Variants in SEC14L5 observed in about 807,000 individuals in gnomAD.
SEC14L5 encodes the protein SEC14-like protein 5.
A neutral mutation model predicts 84.6 loss-of-function variants in SEC14L5; 96 were observed. That is an observed-to-expected ratio of 1.13 (90% confidence interval 0.96 to 1.34). SEC14L5 has a LOEUF of 1.34. SEC14L5 is among the 40% of genes most tolerant of loss of function. SEC14L5 has a pLI of 0.00. For synonymous variants in SEC14L5, 546 were observed against 383.4 expected (o/e 1.42, Z -4.95); for missense variants, 1,224 against 942.5 (o/e 1.30, Z -3.91).
Position 4,966,356 on chromosome 16 carries a change from A to G in SEC14L5, c.63+6970A>G, listed in dbSNP as rs567132421. On this transcript the variant is annotated intron_variant, in intron 2 of 15. Transcript: ENST00000251170. Reference sequence around the variant, plus strand: ...TGGCATGGTCTCGGCTCACTGCAACATTCACCTCCCGGGTTCAAGTGATTC... The same window carrying G: ...TGGCATGGTCTCGGCTCACTGCAACGTTCACCTCCCGGGTTCAAGTGATTC... Among the ~76,000 whole-genome samples the G allele has an allele frequency of 4.3e-5, 6 of 140,156 alleles. 1 individual carries two copies. Among genetic ancestry groups the G allele is most frequent in the African/African-American group, 1.6e-4 (6 of 36,816 alleles). The allele number at this position is 140,156 out of a possible 152,430, so 91.9% of individuals were successfully genotyped here.
chr16:4,992,168 G>A (rs866817448), intron 6 of SEC14L5, 138 bp downstream of exon 6: 9 of 542,514 alleles, frequency 1.7e-5, no homozygotes, highest in South Asian at 5.2e-5. Context: ...GAACGACACC[G>A]CCTCCTGCCT....
intron 2 of SEC14L5, among the ~76,000 whole-genome samples, chr16:4,963,984 G>A (rs1178016480): frequency 6.6e-6 from 1 of 152,232 alleles, no homozygotes; most frequent in Non-Finnish European, 1.5e-5. Flanking sequence ...ACTGCGCTCA[G>A]CCTTCCTTTC....
In SEC14L5 at chr16:5,014,852, T is replaced by G. The variant is rs1955853436; in HGVS notation, c.1980-7T>G. On this transcript the variant is annotated splice_polypyrimidine_tract_variant and splice_region_variant and intron_variant, in intron 15 of 15. Transcript: ENST00000251170. The stretch of plus-strand genomic sequence containing the variant: ...AGGGTAACGTGTGCCACGCCCTTCC[T>G]CCCCAGGGGCTCCATGTCCAGCCTG... The G allele has an allele frequency of 6.2e-7, 1 of 1,611,874 alleles. No homozygotes were observed.
At chr16:4,971,091 CAAA>C (rs34842525) in intron 2 of SEC14L5, among the ~76,000 whole-genome samples, 10 of 73,902 alleles carry the variant, frequency 1.4e-4, no homozygotes, top group African/African-American at 1.0e-4. Context: ...GTGACAGAGC[CAAA>C]AAAAAAAAAA....
At position 5,008,411 on chromosome 16, in the gene SEC14L5, C is replaced by T; in HGVS notation, c.1573-10C>T. The T allele has an allele frequency of 1.9e-6, 3 of 1,602,582 alleles. No individual in the cohort carries two copies. Among genetic ancestry groups the T allele is most frequent in the Non-Finnish European group, 1.7e-6 (2 of 1,172,386 alleles). ...GCCGTGACTCTCAGACCTCGCCTGT[C>T]TCCACACAGGTGGCCGTGGAGATCC... On this transcript the variant is annotated splice_polypyrimidine_tract_variant and intron_variant, in intron 13 of 15. Transcript: ENST00000251170.
chr16:5,006,008 A>G lies in SEC14L5; in HGVS notation c.1397A>G (p.Asp466Gly), dbSNP rs759985748. ...CCCGGAGGCCTTGTGGACTATCTGGATAGAGAAGTGATCCCTGACTTCCTT... is the reference window on the plus strand; with the variant it reads ...CCCGGAGGCCTTGTGGACTATCTGGGTAGAGAAGTGATCCCTGACTTCCTT... ...QGPGGLVDYL[D>G]REVIPDFLGG... The change falls in exon 12 of 16, where the codon GAT (aspartate) becomes GGT (glycine). Residue 466 changes from aspartate to glycine, a missense_variant. Physicochemically the swap from Asp to Gly is moderately conservative, Grantham distance 94. Transcript: ENST00000251170. 5.0e-5 allele frequency: 81 copies of G among 1,613,686 alleles called. No individual in the cohort carries two copies. Among genetic ancestry groups the G allele is most frequent in the Non-Finnish European group, 6.6e-5 (78 of 1,179,816 alleles).
intron 2 of SEC14L5, among the ~76,000 whole-genome samples, chr16:4,986,968 G>A (rs1307827696): frequency 6.6e-6 from 1 of 152,100 alleles, no homozygotes; most frequent in Non-Finnish European, 1.5e-5. Flanking sequence ...AAATGTTCAT[G>A]TCATCTGCAA....
At chr16:4,960,042 C>G (rs1955101075) in intron 2 of SEC14L5, among the ~76,000 whole-genome samples, 1 of 152,178 alleles carries the variant, frequency 6.6e-6, no homozygotes, top group African/African-American at 2.4e-5. Context: ...TTGTGATGTA[C>G]TCTGTGTTGT....
intron 4 of SEC14L5, 150 bp downstream of exon 4, chr16:4,988,430 G>A (rs572001186): frequency 2.1e-6 from 2 of 973,686 alleles, no homozygotes; most frequent in Admixed American, 2.8e-5. Flanking sequence ...ATGCTTGGTT[G>A]CCTTTGCATT....
intron 4 of SEC14L5, among the ~76,000 whole-genome samples, chr16:4,990,316 C>G (rs1275284341): frequency 6.6e-6 from 1 of 152,132 alleles, no homozygotes; most frequent in Non-Finnish European, 1.5e-5. Flanking sequence ...GCACCCACCA[C>G]CATCTCTGGC....
intron 2 of SEC14L5, among the ~76,000 whole-genome samples, chr16:4,964,678 T>G (rs1019251): frequency 6.6e-6 from 1 of 151,880 alleles, no homozygotes; most frequent in East Asian, 1.9e-4. Context: ...TCAGGTGATC[T>G]TCCTGCTTCG....
intron 2 of SEC14L5, among the ~76,000 whole-genome samples, chr16:4,964,465 A>T (rs753560309): frequency 6.6e-6 from 1 of 152,012 alleles, no homozygotes; most frequent in Non-Finnish European, 1.5e-5. Context: ...GCATGCTTGT[A>T]ATCCCAGCTA....
rs1362985220 is a variant in SEC14L5 at position 4,990,847 on chromosome 16, T to C, written c.426T>C (p.Asn142=). 1 of 1,611,502 alleles carries C rather than the reference T, an allele frequency of 6.2e-7. No homozygotes were observed. Among genetic ancestry groups the C allele is most frequent in the Non-Finnish European group, 8.5e-7 (1 of 1,178,762 alleles). ...LDIRSFFGFE[N]ALEKIAMKQY... ...TTCGGTCTTTCTTTGGCTTTGAAAA[T>C]GCCTTGGAGAAGATCGCCATGAAGC... Residue 142 remains asparagine, a synonymous_variant, in exon 5 of 16, where the codon AAT becomes AAC. Transcript: ENST00000251170.
At chr16:4,980,173 G>A (rs1320516077) in intron 2 of SEC14L5, among the ~76,000 whole-genome samples, 3 of 152,214 alleles carry the variant, frequency 2.0e-5, no homozygotes, top group Non-Finnish European at 2.9e-5. Context: ...TAAGGATGAA[G>A]CGAGGCAGTT....
intron 2 of SEC14L5, among the ~76,000 whole-genome samples, chr16:4,980,210 G>A (rs144007005): frequency 1.1e-4 from 17 of 152,342 alleles, no homozygotes; most frequent in East Asian, 3.9e-4. Flanking sequence ...CTTAACAACA[G>A]TGTCCAACAA....
chr16:5,011,155 C>G lies in SEC14L5; in HGVS notation c.1861C>G (p.Pro621Ala). The change falls in exon 15 of 16, where the codon CCC becomes GCC. Residue 621 changes from proline to alanine, a missense_variant. Transcript: ENST00000251170. ...GCTCCAGTGGCAAATGCACAGCCCC[C>G]CCAGCAGCGTGGCCTGCAGCCTCCC... Reference protein sequence around the residue: ...YLLQWQMHSPPSSVACSLPGV... With the variant: ...YLLQWQMHSPASSVACSLPGV... 1.2e-6 allele frequency: 2 copies of G among 1,612,810 alleles called. No individual in the cohort carries two copies. Among genetic ancestry groups the G allele is most frequent in the Non-Finnish European group, 1.7e-6 (2 of 1,179,462 alleles).
Position 5,015,055 on chromosome 16 carries a change from G to A in SEC14L5, c.*85G>A, listed in dbSNP as rs1596649956. ...AGAAGCCAGCTAACTGCAGGGCCTGGGACCATGTGGGCTGGAGCCCCAGGC... is the reference window on the plus strand; with the variant it reads ...AGAAGCCAGCTAACTGCAGGGCCTGAGACCATGTGGGCTGGAGCCCCAGGC... On this transcript the variant is annotated 3_prime_UTR_variant, in exon 16 of 16. Coordinates refer to ENST00000251170, the MANE Select transcript of SEC14L5 (RefSeq NM_014692.2). 2 of 1,070,076 alleles carry A rather than the reference G, an allele frequency of 1.9e-6. No homozygotes were observed. The highest frequency in any genetic ancestry group is 2.4e-5 in the East Asian group (1 of 41,272). The allele number at this position is 1,070,076 out of a possible 1,614,324, so 66.3% of individuals were successfully genotyped here.
At chr16:5,009,329 A>G (rs1955773305) in intron 14 of SEC14L5, among the ~76,000 whole-genome samples, 1 of 151,892 alleles carries the variant, frequency 6.6e-6, no homozygotes, top group South Asian at 2.1e-4. Flanking sequence ...TTTTTGAGAC[A>G]GGGTCTCACT....
At chr16:4,962,912 A>C (rs1955143907) in intron 2 of SEC14L5, among the ~76,000 whole-genome samples, 1 of 152,172 alleles carries the variant, frequency 6.6e-6, no homozygotes. Flanking sequence ...TAACTTGCAC[A>C]CTGTGGAAGC....
Sources: allele counts gnomAD v4.1 joint callset (sites outside exome capture counted in the v4.1 genomes callset), GRCh38; gene constraint gnomAD v4.1.1; transcripts MANE v1.5; gene names NCBI Gene and HGNC (gene_info 2026-07-23, HGNC 2026-07-21).